The following SHISAL2B variants were observed in gnomAD, a reference collection of about 807,000 sequenced individuals.
SHISAL2B encodes shisa like 2B.
SHISAL2B carries 12 observed loss-of-function variants against 16.5 expected under a neutral mutation model. That is an observed-to-expected ratio of 0.73 (90% CI 0.47 to 1.18). SHISAL2B has a LOEUF of 1.18. SHISAL2B is among the 50% of genes most tolerant of loss of function. The probability of loss-of-function intolerance (pLI) is 0.00; values close to 1 mark genes in which losing one functional copy is unlikely to be tolerated. For synonymous variants in SHISAL2B, 72 were observed against 75.0 expected (o/e 0.96, Z 0.21); for missense variants, 183 against 193.6 (o/e 0.95, Z 0.33).
intron 2 of SHISAL2B, among the ~76,000 whole-genome samples, chr5:64,702,802 C>T (rs1003028489): frequency 1.3e-5 from 2 of 151,936 alleles, no homozygotes; most frequent in African/African-American, 2.4e-5. Context: ...AATAATGAGT[C>T]AGTTGTCAAA....
At chr5:64,713,344 C>T (rs1477014812) in intron 2 of SHISAL2B, among the ~76,000 whole-genome samples, 1 of 105,250 alleles carries the variant, frequency 9.5e-6, no homozygotes, top group Non-Finnish European at 1.8e-5. Context: ...AAATTCTTTT[C>T]TTTAAGAATG....
chr5:64,715,753 C>T (rs1463077869), intron 2 of SHISAL2B, among the ~76,000 whole-genome samples: 1 of 152,148 alleles, frequency 6.6e-6, no homozygotes, highest in South Asian at 2.1e-4. Flanking sequence ...CATTTGACAT[C>T]GTATTCTAAG....
At chr5:64,705,326 G>T (rs1741861231) in intron 2 of SHISAL2B, among the ~76,000 whole-genome samples, 1 of 152,110 alleles carries the variant, frequency 6.6e-6, no homozygotes, top group Admixed American at 6.5e-5. Flanking sequence ...GAATGACTAA[G>T]TTAGGAAACA....
intron 1 of SHISAL2B, 37 bp downstream of exon 1, chr5:64,690,851 G>A (rs1320743875): frequency 6.8e-7 from 1 of 1,470,358 alleles, no homozygotes; most frequent in South Asian, 1.3e-5. Context: ...GGCTGGCCGA[G>A]CCCGGGGCTA....
intron 2 of SHISAL2B, among the ~76,000 whole-genome samples, chr5:64,708,245 A>C (rs1175975153): frequency 6.6e-6 from 1 of 152,200 alleles, no homozygotes; most frequent in African/African-American, 2.4e-5. Flanking sequence ...TATGATTTCT[A>C]TACCAATAAG....
chr5:64,691,669 G>A (rs1173538023), intron 1 of SHISAL2B: 3 of 152,100 alleles, frequency 2.0e-5, no homozygotes, highest in African/African-American at 7.2e-5. Flanking sequence ...ATTCCAACTA[G>A]TATTGATGTA....
At chr5:64,714,815 C>G (rs28534570) in intron 2 of SHISAL2B, among the ~76,000 whole-genome samples, 6 of 152,066 alleles carry the variant, frequency 3.9e-5, no homozygotes, top group Admixed American at 3.9e-4. Flanking sequence ...CAGGTGTGTC[C>G]GTCACCCCTT....
At chr5:64,702,019 A>C (rs771123066) in intron 2 of SHISAL2B, among the ~76,000 whole-genome samples, 3 of 152,186 alleles carry the variant, frequency 2.0e-5, no homozygotes, top group African/African-American at 4.8e-5. Context: ...TCAACTGTAG[A>C]AGTTTCTTTT....
intron 1 of SHISAL2B, among the ~76,000 whole-genome samples, chr5:64,693,824 A>G (rs1430333738): frequency 1.3e-5 from 2 of 152,200 alleles, no homozygotes; most frequent in Admixed American, 6.5e-5. Context: ...GACTCTAGCC[A>G]TAAAATTCCC....
chr5:64,693,089 C>T (rs1741676472), intron 1 of SHISAL2B, among the ~76,000 whole-genome samples: 3 of 151,772 alleles, frequency 2.0e-5, no homozygotes, highest in Admixed American at 2.0e-4. Context: ...CTCACTGCAA[C>T]CTTCGCCTTC....
At chr5:64,707,368 G>A (rs1290117653) in intron 2 of SHISAL2B, among the ~76,000 whole-genome samples, 1 of 152,094 alleles carries the variant, frequency 6.6e-6, no homozygotes, top group Non-Finnish European at 1.5e-5. Context: ...TCCTGGGCCT[G>A]TTAGAATGTG....
chr5:64,699,296 A>G (rs1416767879), intron 2 of SHISAL2B, among the ~76,000 whole-genome samples: 1 of 152,224 alleles, frequency 6.6e-6, no homozygotes, highest in Non-Finnish European at 1.5e-5. Flanking sequence ...GATTTTAACC[A>G]AATTAGATAT....
intron 2 of SHISAL2B, among the ~76,000 whole-genome samples, chr5:64,710,164 T>A (rs1383458930): frequency 9.7e-6 from 1 of 103,114 alleles, no homozygotes; most frequent in East Asian, 2.7e-4. Flanking sequence ...GTTTTTATGG[T>A]TTTAGGTCTA....
intron 2 of SHISAL2B, among the ~76,000 whole-genome samples, chr5:64,711,770 A>G (rs1330467318): frequency 6.7e-5 from 1 of 14,872 alleles, no homozygotes; most frequent in Non-Finnish European, 1.3e-4. Context: ...GTCTTGGGAG[A>G]GTGTATGTGT....
rs761550753 is a variant in SHISAL2B, at chr5:64,690,699, C to T, written c.76C>T (p.Arg26Trp). ...QSFVEPFQCP[R>W]RGEGAALQYC... is the part of the protein sequence containing the mutation. ...CTTCGTGGAGCCCTTCCAGTGCCCC[C>T]GGCGCGGCGAGGGGGCAGCGCTCCA... The change falls in exon 1 of 3, where the codon CGG becomes TGG. Residue 26 changes from arginine (R) to tryptophan (W), a missense_variant. By Grantham distance (101) the Arg-to-Trp change is moderately radical. Coordinates refer to ENST00000389074, the MANE Select transcript of SHISAL2B (RefSeq NM_001164442.2). The T allele has an allele frequency of 2.6e-6, 4 of 1,534,960 alleles. No homozygotes were observed. Among genetic ancestry groups the T allele is most frequent in the South Asian group, 1.2e-5 (1 of 83,814 alleles).
intron 2 of SHISAL2B, among the ~76,000 whole-genome samples, chr5:64,695,936 C>T (rs1008624940): frequency 2.0e-5 from 3 of 152,090 alleles, no homozygotes; most frequent in Non-Finnish European, 4.4e-5. Context: ...ATGTTCCTTC[C>T]AGTTATTAAA....
intron 2 of SHISAL2B, among the ~76,000 whole-genome samples, chr5:64,714,584 G>A (rs1241120627): frequency 9.2e-5 from 14 of 152,076 alleles, no homozygotes; most frequent in Admixed American, 2.0e-4. Flanking sequence ...CGAGCTTCCC[G>A]GCTGCTTTGT....
intron 2 of SHISAL2B, among the ~76,000 whole-genome samples, chr5:64,711,299 G>A (rs1219111625): frequency 6.8e-6 from 1 of 147,746 alleles, no homozygotes; most frequent in East Asian, 2.0e-4. Context: ...AGATAATCAT[G>A]TGGTTTTTGT....
chr5:64,710,833 CTGTT>C (rs1461611237), intron 2 of SHISAL2B, among the ~76,000 whole-genome samples: 10 of 81,766 alleles, frequency 1.2e-4, no homozygotes, highest in African/African-American at 4.2e-4. Flanking sequence ...ATTTGGCTCT[CTGTT>C]TGTCTGTTGT....
Sources: gnomAD v4.1 joint callset for allele counts (sites outside exome capture counted in the v4.1 genomes callset) on GRCh38, gnomAD v4.1.1 for gene constraint, MANE v1.5 for transcripts, NCBI Gene and HGNC (gene_info 2026-07-23, HGNC 2026-07-21) for gene names.